The following CNNM2 variants were observed in gnomAD, a reference collection of about 807,000 sequenced individuals.
CNNM2 encodes the protein metal transporter CNNM2.
Under a neutral mutation model 66.9 loss-of-function variants are expected in CNNM2, and 12 were observed. The observed-to-expected ratio is 0.18, with a 90% CI of 0.11 to 0.29. The LOEUF (loss-of-function observed/expected upper bound fraction) is 0.29, where lower values mean the gene tolerates loss of function less well. Among genes scored for constraint, CNNM2 ranks in the 10% least tolerant of loss-of-function variants. The probability of loss-of-function intolerance (pLI) is 1.00; values close to 1 mark genes in which losing one functional copy is unlikely to be tolerated. For missense variants in CNNM2, 705 were observed against 1,167.7 expected, an observed-to-expected ratio of 0.60 and a Z score of 5.77; for synonymous variants, 557 against 501.8, an observed-to-expected ratio of 1.11 and a Z score of -1.47.
intron 1 of CNNM2, among the ~76,000 whole-genome samples, chr10:102,973,626 G>A (rs1025497567): frequency 1.3e-5 from 2 of 151,784 alleles, no homozygotes; most frequent in Admixed American, 6.6e-5. Context: ...CAGAGTACTG[G>A]GATTACAGGC....
At position 102,919,155 on chromosome 10, in the gene CNNM2, G is replaced by A; in HGVS notation, c.675G>A (p.Pro225=). 1 of 1,609,604 alleles carries A rather than the reference G, an allele frequency of 6.2e-7. No homozygotes were observed. Among genetic ancestry groups the A allele is most frequent in the Non-Finnish European group, 8.5e-7 (1 of 1,179,488 alleles). ...GCTCGGGGGTGGCCGGGCTCCCGCC[G>A]CCCCCGTGGGCCGAGACCACCTGGA... is the stretch of plus-strand genomic sequence containing the variant. ...KGGSGVAGLP[P]PPWAETTWIY... Residue 225 remains proline (P), a synonymous_variant, in exon 1 of 8, where the codon CCG becomes CCA. Coordinates refer to ENST00000369878, the MANE Select transcript of CNNM2 (RefSeq NM_017649.5).
chr10:103,025,626 T>C (rs1023934720), intron 1 of CNNM2, among the ~76,000 whole-genome samples: 4 of 152,258 alleles, frequency 2.6e-5, no homozygotes, highest in African/African-American at 4.8e-5. Flanking sequence ...TACTGATTCG[T>C]GTTTCATACA....
intron 1 of CNNM2, chr10:102,927,298 A>G: frequency 1.2e-6 from 2 of 1,611,268 alleles, no homozygotes; most frequent in Non-Finnish European, 1.7e-6. Context: ...AGGATTGAAT[A>G]CAGTTTTTTA....
intron 2 of CNNM2, among the ~76,000 whole-genome samples, chr10:103,053,568 T>C (rs904953178): frequency 2.0e-5 from 3 of 152,124 alleles, no homozygotes; most frequent in Non-Finnish European, 2.9e-5. Context: ...CATGCAAAAA[T>C]TATATGCAAT....
At chr10:103,071,696 C>T in intron 5 of CNNM2, 78 bp from the exon 6 acceptor site, 2 of 1,063,586 alleles carry the variant, frequency 1.9e-6, no homozygotes, top group Middle Eastern at 2.0e-4. Context: ...AACAAGTATC[C>T]CCTCCTGTCC....
intron 1 of CNNM2, among the ~76,000 whole-genome samples, chr10:103,002,089 A>G (rs1471423943): frequency 2.6e-5 from 4 of 152,230 alleles, no homozygotes; most frequent in Non-Finnish European, 1.5e-5. Flanking sequence ...TTTCTTAGAT[A>G]TGACACCAAA....
At chr10:102,940,608 C>T (rs537044421) in intron 1 of CNNM2, among the ~76,000 whole-genome samples, 229 of 150,986 alleles carry the variant, frequency 1.5e-3, no homozygotes, top group Middle Eastern at 7.0e-3. Context: ...TTAGTAGAGA[C>T]AGGGTTTCAC....
At chr10:103,034,513 C>G (rs887040691) in intron 1 of CNNM2, among the ~76,000 whole-genome samples, 8 of 152,160 alleles carry the variant, frequency 5.3e-5, no homozygotes, top group African/African-American at 9.7e-5. Context: ...ACTGTGACAA[C>G]AGGACCACAT....
intron 1 of CNNM2, among the ~76,000 whole-genome samples, chr10:102,949,520 A>T (rs550749054): frequency 6.6e-6 from 1 of 151,568 alleles, no homozygotes; most frequent in Non-Finnish European, 1.5e-5. Flanking sequence ...ACAGTGGCTC[A>T]TGCCTGTAAT....
chr10:103,057,015 C>G, intron 4 of CNNM2, 51 bp downstream of exon 4: 2 of 1,563,802 alleles, frequency 1.3e-6, no homozygotes, highest in East Asian at 4.5e-5. Flanking sequence ...ATCCATCTTT[C>G]AGTTTGGTGT....
At chr10:102,931,846 TAAAAAA>T (rs774895232) in intron 1 of CNNM2, among the ~76,000 whole-genome samples, 3 of 128,084 alleles carry the variant, frequency 2.3e-5, no homozygotes, top group African/African-American at 8.6e-5. Flanking sequence ...TTGTTATTGT[TAAAAAA>T]AAAAAAAAAA....
At chr10:102,930,458 T>G (rs1846026622) in intron 1 of CNNM2, among the ~76,000 whole-genome samples, 1 of 152,350 alleles carries the variant, frequency 6.6e-6, no homozygotes, top group African/African-American at 2.4e-5. Context: ...TTGTGAAAAC[T>G]AACCATTGCT....
At chr10:103,048,503 A>G (rs1306005236) in intron 1 of CNNM2, among the ~76,000 whole-genome samples, 2 of 152,168 alleles carry the variant, frequency 1.3e-5, no homozygotes, top group African/African-American at 4.8e-5. Flanking sequence ...GGCGTGAGCC[A>G]CCGCACCCAG....
chr10:102,975,469 GAAA>G (rs57482469), intron 1 of CNNM2, among the ~76,000 whole-genome samples: 2 of 119,298 alleles, frequency 1.7e-5, no homozygotes, highest in Non-Finnish European at 3.3e-5. Context: ...GATGGAATTA[GAAA>G]AAAAAAAAAA....
At chr10:103,048,442 C>T (rs1371970000) in intron 1 of CNNM2, among the ~76,000 whole-genome samples, 1 of 152,020 alleles carries the variant, frequency 6.6e-6, no homozygotes, top group Non-Finnish European at 1.5e-5. Context: ...TCTCAAACTC[C>T]TGACCTCAGG....
intron 1 of CNNM2, among the ~76,000 whole-genome samples, chr10:103,005,803 A>C (rs1241956723): frequency 1.3e-5 from 2 of 152,134 alleles, no homozygotes; most frequent in Admixed American, 6.6e-5. Context: ...ATCATAGCTC[A>C]CTGCAGCCTT....
rs74749600 is a variant in CNNM2, at chr10:102,973,239, T to C, written c.1621+53138T>C. ...TTTATATACTGCTGCCAGATTAATC[T>C]TCCCAGACCATGATTCTGATTAAAT... On this transcript the variant is annotated intron_variant, in intron 1 of 7. Transcript: ENST00000369878. Among the ~76,000 whole-genome samples, 11,672 of 152,088 alleles carry C rather than the reference T, an allele frequency of 0.077. 530 individuals are homozygous for C. The highest frequency in any genetic ancestry group is 0.17 in the Middle Eastern group (49 of 294).
At chr10:102,923,892 T>C (rs577521392) in intron 1 of CNNM2, among the ~76,000 whole-genome samples, 1 of 152,360 alleles carries the variant, frequency 6.6e-6, no homozygotes, top group Admixed American at 6.5e-5. Flanking sequence ...TGGTTTCTTA[T>C]CTGTTTCTGT....
intron 1 of CNNM2, among the ~76,000 whole-genome samples, chr10:102,990,905 A>G (rs1351128934): frequency 6.6e-6 from 1 of 152,146 alleles, no homozygotes; most frequent in African/African-American, 2.4e-5. Flanking sequence ...TACATGGAGA[A>G]CTTTCACTGT....
Sources: gnomAD v4.1 joint callset for allele counts (sites outside exome capture counted in the v4.1 genomes callset) on GRCh38, gnomAD v4.1.1 for gene constraint, MANE v1.5 for transcripts, NCBI Gene and HGNC (gene_info 2026-07-23, HGNC 2026-07-21) for gene names.